TRIM44: variants seen among roughly 807,000 people sequenced by gnomAD.
The protein encoded by TRIM44 is tripartite motif-containing protein 44.
TRIM44 carries 13 observed loss-of-function variants against 37.4 expected under a neutral mutation model. That is an observed-to-expected ratio of 0.35 (90% CI 0.23 to 0.55). The LOEUF is 0.55. Among genes scored for constraint, TRIM44 ranks in the 20% least tolerant of loss-of-function variants. The pLI is 0.89. For synonymous variants in TRIM44, 175 were observed against 157.2 expected (o/e 1.11, Z -0.85); for missense variants, 426 against 437.2 (o/e 0.97, Z 0.23).
chr11:35,673,114 C>T (rs1851418104), intron 1 of TRIM44, among the ~76,000 whole-genome samples: 1 of 152,176 alleles, frequency 6.6e-6, no homozygotes, highest in Non-Finnish European at 1.5e-5. Flanking sequence ...TCACTCTCTA[C>T]AGTGGGAAAG....
At chr11:35,782,448 G>T (rs988736942) in intron 4 of TRIM44, among the ~76,000 whole-genome samples, 8 of 152,232 alleles carry the variant, frequency 5.3e-5, no homozygotes, top group African/African-American at 1.7e-4. Context: ...GTAAATAAAG[G>T]TATGTTTGTT....
intron 2 of TRIM44, among the ~76,000 whole-genome samples, chr11:35,711,531 A>T (rs1213851682): frequency 6.6e-6 from 1 of 151,878 alleles, no homozygotes; most frequent in African/African-American, 2.4e-5. Flanking sequence ...TTGTTGGGAA[A>T]ATAAGTGAGA....
At position 35,662,960 on chromosome 11, in the gene TRIM44, C is replaced by A; in HGVS notation, c.-152C>A. ...TGCTGCGCCCGGGCAGGGGCTGCCG[C>A]GGCCCCAGGTCCCGCTTCGAGACGC... On this transcript the variant is annotated 5_prime_UTR_variant, in exon 1 of 5. Coordinates refer to ENST00000299413, the MANE Select transcript of TRIM44 (RefSeq NM_017583.6). The A allele has an allele frequency of 7.7e-7, 1 of 1,303,142 alleles. No homozygotes were observed. The highest frequency in any genetic ancestry group is 9.9e-7 in the Non-Finnish European group (1 of 1,010,838). 80.7% of individuals were successfully genotyped at this position (1,303,142 alleles called of 1,614,324 possible).
intron 1 of TRIM44, among the ~76,000 whole-genome samples, chr11:35,674,447 C>T (rs754958716): frequency 9.9e-5 from 15 of 152,088 alleles, no homozygotes; most frequent in African/African-American, 2.7e-4. Context: ...CCACAATTTA[C>T]GGCAAATAAC....
chr11:35,738,980 A>G (rs1852358797), intron 4 of TRIM44, among the ~76,000 whole-genome samples: 1 of 152,184 alleles, frequency 6.6e-6, no homozygotes, highest in Non-Finnish European at 1.5e-5. Context: ...CTATGGAAAC[A>G]TATTTGTCTA....
chr11:35,665,021 ATTGTGT>A (rs1324709449), intron 1 of TRIM44, among the ~76,000 whole-genome samples: 2 of 152,044 alleles, frequency 1.3e-5, no homozygotes, highest in East Asian at 1.9e-4. Flanking sequence ...TTTTCTCAAC[ATTGTGT>A]TTGTGAGAGT....
At chr11:35,769,383 A>G (rs1300910644) in intron 4 of TRIM44, among the ~76,000 whole-genome samples, 5 of 152,116 alleles carry the variant, frequency 3.3e-5, no homozygotes, top group African/African-American at 7.2e-5. Context: ...CACAGTTGGC[A>G]TTGTTTTGGG....
At chr11:35,732,897 A>G (rs571672482) in intron 3 of TRIM44, among the ~76,000 whole-genome samples, 1 of 152,278 alleles carries the variant, frequency 6.6e-6, no homozygotes, top group Non-Finnish European at 1.5e-5. Flanking sequence ...AACAGTGACC[A>G]TTGTTTCTGA....
chr11:35,754,701 G>A (rs1331783467), intron 4 of TRIM44, among the ~76,000 whole-genome samples: 2 of 138,194 alleles, frequency 1.4e-5, no homozygotes, highest in African/African-American at 5.5e-5. Context: ...TCCCCTTCCT[G>A]TGTCCATGAG....
chr11:35,787,761 A>G (rs1853148933), intron 4 of TRIM44, among the ~76,000 whole-genome samples: 1 of 152,126 alleles, frequency 6.6e-6, no homozygotes, highest in African/African-American at 2.4e-5. Flanking sequence ...ATGTCAGGGA[A>G]ATGGATTTCA....
chr11:35,803,913 T>C (rs1009868598), intron 4 of TRIM44, among the ~76,000 whole-genome samples: 1 of 152,016 alleles, frequency 6.6e-6, no homozygotes, highest in Non-Finnish European at 1.5e-5. Flanking sequence ...TATGATCCCT[T>C]TTCTTTTTCA....
At chr11:35,694,738 G>C (rs1268094642) in intron 2 of TRIM44, among the ~76,000 whole-genome samples, 1 of 151,934 alleles carries the variant, frequency 6.6e-6, no homozygotes, top group Non-Finnish European at 1.5e-5. Flanking sequence ...TAAGAGTGAG[G>C]AGGGACCCTT....
intron 1 of TRIM44, among the ~76,000 whole-genome samples, chr11:35,666,565 G>A (rs1851334657): frequency 6.6e-6 from 1 of 151,794 alleles, no homozygotes. Flanking sequence ...TCACATCATT[G>A]TAAAATTTAT....
chr11:35,788,850 G>T (rs1308137906), intron 4 of TRIM44, among the ~76,000 whole-genome samples: 3 of 152,194 alleles, frequency 2.0e-5, no homozygotes, highest in Admixed American at 6.5e-5. Flanking sequence ...GTTTGGGAAG[G>T]ACATAAGCTT....
intron 2 of TRIM44, among the ~76,000 whole-genome samples, chr11:35,698,158 G>A (rs1248124832): frequency 1.3e-5 from 2 of 150,014 alleles, no homozygotes; most frequent in Non-Finnish European, 3.0e-5. Flanking sequence ...AACTGGATGT[G>A]CCACATTTTC....
At chr11:35,791,147 T>TCC (rs1853204400) in intron 4 of TRIM44, among the ~76,000 whole-genome samples, 1 of 152,058 alleles carries the variant, frequency 6.6e-6, no homozygotes. Context: ...GGAGCAAGTG[T>TCC]CCATTTGCTC....
intron 3 of TRIM44, among the ~76,000 whole-genome samples, chr11:35,732,071 C>A (rs1852268136): frequency 6.6e-6 from 1 of 152,176 alleles, no homozygotes. Flanking sequence ...GCTTGTGTTT[C>A]ACCTACACCA....
chr11:35,771,342 T>A (rs1039657841), intron 4 of TRIM44, among the ~76,000 whole-genome samples: 1 of 152,176 alleles, frequency 6.6e-6, no homozygotes, highest in African/African-American at 2.4e-5. Context: ...TTTTGGAACT[T>A]TGAACTTGAG....
At chr11:35,743,332 A>G (rs1312441321) in intron 4 of TRIM44, among the ~76,000 whole-genome samples, 1 of 152,186 alleles carries the variant, frequency 6.6e-6, no homozygotes, top group African/African-American at 2.4e-5. Context: ...TTACCTCTTG[A>G]CTACAGCATT....
Sources: gnomAD v4.1 joint callset for allele counts (sites outside exome capture counted in the v4.1 genomes callset) on GRCh38, gnomAD v4.1.1 for gene constraint, MANE v1.5 for transcripts, NCBI Gene and HGNC (gene_info 2026-07-23, HGNC 2026-07-21) for gene names.